Variants in FTCDNL1 observed in about 807,000 individuals in gnomAD.
The protein encoded by FTCDNL1 is formiminotransferase cyclodeaminase N-terminal like.
In FTCDNL1, 11 loss-of-function variants were observed where a neutral mutation model predicts 5.9. The observed-to-expected ratio is 1.87, with a 90% CI of 1.18 to 3.10. FTCDNL1 has a LOEUF of 3.10. Among genes scored for constraint, FTCDNL1 ranks in the 30% most tolerant of loss-of-function variants. The pLI is 0.00. For missense variants in FTCDNL1, 115 were observed against 65.5 expected (o/e 1.76, Z -2.61); for synonymous variants, 58 against 24.8 (o/e 2.34, Z -3.99).
chr2:199,688,910 C>T, the FTCDNL1 span, among the ~76,000 whole-genome samples: 2 of 152,152 alleles, frequency 1.3e-5, no homozygotes, highest in Non-Finnish European at 2.9e-5. Flanking sequence ...ACTTCTTCTG[C>T]CCTGCCCAGA....
At chr2:199,819,324 A>G in intron 4 of FTCDNL1, 1 of 481,380 alleles carries the variant, frequency 2.1e-6, no homozygotes, top group East Asian at 3.6e-5. Context: ...ATCACGTTGC[A>G]GGGCTAATGA....
At chr2:199,727,799 A>G in the FTCDNL1 span, among the ~76,000 whole-genome samples, 1 of 152,204 alleles carries the variant, frequency 6.6e-6, no homozygotes, top group African/African-American at 2.4e-5. Context: ...CTTTTACATA[A>G]ATAATAGATT....
intron 3 of FTCDNL1, among the ~76,000 whole-genome samples, chr2:199,827,436 G>C (rs769954): frequency 0.64 from 97,795 of 151,870 alleles, 31,682 homozygotes; most frequent in South Asian, 0.76. Context: ...CCCCTATAAA[G>C]AGATATTTGC....
chr2:199,836,680 C>G (rs903220566), intron 3 of FTCDNL1, among the ~76,000 whole-genome samples: 3 of 152,084 alleles, frequency 2.0e-5, no homozygotes, highest in African/African-American at 7.2e-5. Flanking sequence ...GTGGCAGGAT[C>G]ACTTGAGTCT....
chr2:199,759,472 CCAAA>C (rs1698187279), downstream of FTCDNL1, among the ~76,000 whole-genome samples: 1 of 151,940 alleles, frequency 6.6e-6, no homozygotes, highest in African/African-American at 2.4e-5. Flanking sequence ...TCCTAGCCTG[CCAAA>C]CAGAGGAATT....
At chr2:199,761,553 A>G (rs765826750) in intron 3 of FTCDNL1, among the ~76,000 whole-genome samples, 40 of 152,114 alleles carry the variant, frequency 2.6e-4, no homozygotes, top group Non-Finnish European at 4.7e-4. Context: ...GGGACTTTGG[A>G]GACAAATGAA....
the FTCDNL1 span, among the ~76,000 whole-genome samples, chr2:199,668,845 G>C: frequency 6.6e-6 from 1 of 152,118 alleles, no homozygotes; most frequent in Admixed American, 6.5e-5. Flanking sequence ...GTTCCCAGGG[G>C]AACTCGGGAA....
chr2:199,764,089 G>A (rs1296903806), intron 3 of FTCDNL1, among the ~76,000 whole-genome samples: 5 of 152,076 alleles, frequency 3.3e-5, no homozygotes, highest in African/African-American at 7.2e-5. Context: ...TGATCCATCC[G>A]CTTCAGCCTC....
the FTCDNL1 span, among the ~76,000 whole-genome samples, chr2:199,689,217 A>T: frequency 2.2e-3 from 342 of 152,342 alleles, no homozygotes; most frequent in Non-Finnish European, 2.8e-3. Flanking sequence ...TTCTCTTATG[A>T]ATAAAGCAAG....
chr2:199,836,548 C>T (rs951100762), intron 3 of FTCDNL1, among the ~76,000 whole-genome samples: 1 of 152,026 alleles, frequency 6.6e-6, no homozygotes, highest in Non-Finnish European at 1.5e-5. Flanking sequence ...TGGGCAGATC[C>T]CTTGAGCCTA....
chr2:199,666,910 CAAAA>C, the FTCDNL1 span, among the ~76,000 whole-genome samples: 1 of 99,418 alleles, frequency 1.0e-5, no homozygotes, highest in Admixed American at 1.1e-4. Flanking sequence ...GAGTCCATCT[CAAAA>C]AAAAAAAAAA....
At chr2:199,683,432 T>C in the FTCDNL1 span, among the ~76,000 whole-genome samples, 1 of 152,012 alleles carries the variant, frequency 6.6e-6, no homozygotes, top group Admixed American at 6.6e-5. Flanking sequence ...TCCAAGTAAA[T>C]CCAATTTCAA....
the FTCDNL1 span, among the ~76,000 whole-genome samples, chr2:199,692,001 C>T: frequency 1.3e-5 from 2 of 152,294 alleles, no homozygotes; most frequent in Admixed American, 6.5e-5. Flanking sequence ...AATATAGCAA[C>T]ACTCATAAGG....
the FTCDNL1 span, among the ~76,000 whole-genome samples, chr2:199,740,577 G>A: frequency 1.3e-5 from 2 of 152,150 alleles, no homozygotes; most frequent in Non-Finnish European, 2.9e-5. Context: ...CAGCTTCGTG[G>A]GGTGAGCTGT....
chr2:199,694,053 T>A, the FTCDNL1 span, among the ~76,000 whole-genome samples: 1 of 152,194 alleles, frequency 6.6e-6, no homozygotes, highest in Non-Finnish European at 1.5e-5. Flanking sequence ...TTCCAAGGTC[T>A]GTGGCCACCT....
the FTCDNL1 span, among the ~76,000 whole-genome samples, chr2:199,676,227 G>A: frequency 2.6e-5 from 4 of 152,120 alleles, no homozygotes; most frequent in African/African-American, 9.7e-5. Flanking sequence ...AGAGACAACC[G>A]GAAGTCTCCA....
the FTCDNL1 span, among the ~76,000 whole-genome samples, chr2:199,722,470 T>A: frequency 2.6e-5 from 4 of 152,156 alleles, no homozygotes; most frequent in Non-Finnish European, 5.9e-5. Context: ...TTCTCTATTA[T>A]GTTCCATTGG....
chr2:199,793,430 A>G (rs1574525311), intron 3 of FTCDNL1, among the ~76,000 whole-genome samples: 1 of 152,164 alleles, frequency 6.6e-6, no homozygotes, highest in Non-Finnish European at 1.5e-5. Flanking sequence ...CCCATCATCA[A>G]TAAAGAGTCA....
At chr2:199,730,160 G>A in the FTCDNL1 span, among the ~76,000 whole-genome samples, 3 of 152,284 alleles carry the variant, frequency 2.0e-5, no homozygotes. Flanking sequence ...GCAGAAAACT[G>A]AAACTGGACC....
Sources: allele counts gnomAD v4.1 joint callset (sites outside exome capture counted in the v4.1 genomes callset), GRCh38; gene constraint gnomAD v4.1.1; transcripts MANE v1.5; gene names NCBI Gene and HGNC (gene_info 2026-07-23, HGNC 2026-07-21).